LIG3: variants seen among roughly 807,000 people sequenced by gnomAD.
LIG3 encodes the protein ligase II, DNA, ATP-dependent.
In LIG3, 58 loss-of-function variants were observed where a neutral mutation model predicts 110.9. The ratio of observed to expected loss-of-function variants is 0.52; its 90% CI spans 0.42 to 0.65. The LOEUF is 0.65. LIG3 is among the 30% of genes least tolerant of loss of function. LIG3 has a pLI of 0.00. For synonymous variants in LIG3, 422 were observed against 472.8 expected (o/e 0.89, Z 1.39); for missense variants, 1,094 against 1,273.8 (o/e 0.86, Z 2.15).
chr17:34,986,408 G>T (rs1033373216), intron 3 of LIG3, among the ~76,000 whole-genome samples: 1 of 152,004 alleles, frequency 6.6e-6, no homozygotes, highest in Admixed American at 6.5e-5. Context: ...TGCAACCTCC[G>T]CCTCCTGGGT....
chr17:34,984,435 CCT>C (rs1272343050), intron 2 of LIG3, among the ~76,000 whole-genome samples: 1 of 152,146 alleles, frequency 6.6e-6, no homozygotes, highest in African/African-American at 2.4e-5. Context: ...TTTACACTGT[CCT>C]CTGTGTCCTG....
At position 34,999,804 on chromosome 17, in the gene LIG3, G is replaced by A; in HGVS notation, c.2279G>A (p.Trp760Ter). The A allele has an allele frequency of 4.3e-6, 7 of 1,614,056 alleles. No individual in the cohort carries two copies. The highest frequency in any genetic ancestry group is 5.1e-6 in the Non-Finnish European group (6 of 1,179,974). ...ISKDPSKIPS[W>*]LKVNKIYYPD... ...TAGGACCCCAGCAAAATACCCAGCTGGTTGAAGGTCAACAAGATCTACTAT... is the reference window on the plus strand; with the variant it reads ...TAGGACCCCAGCAAAATACCCAGCTAGTTGAAGGTCAACAAGATCTACTAT... The change falls in exon 16 of 20, where the codon TGG becomes TAG. Residue 760 changes from tryptophan (W) to a stop codon, truncating the protein, a stop_gained. Transcript: ENST00000378526. LOFTEE classifies it high-confidence loss of function.
chr17:34,984,515 A>G (rs544180021), intron 2 of LIG3, among the ~76,000 whole-genome samples: 15 of 152,202 alleles, frequency 9.9e-5, no homozygotes, highest in Middle Eastern at 3.4e-3. Flanking sequence ...TTTTAGTCTT[A>G]TCCCGTATGT....
rs1373764570 is a variant in LIG3, at chr17:35,005,662, G to T, written c.*1156G>T. On this transcript the variant is annotated 3_prime_UTR_variant, in exon 20 of 20. Coordinates refer to ENST00000378526, the MANE Select transcript of LIG3 (RefSeq NM_013975.4). ...TCGATTTTTTTTCTTCTATTCATTGGATTCGTCTGTGTCCTACTGAGTTTT... is the reference window on the plus strand; with the variant it reads ...TCGATTTTTTTTCTTCTATTCATTGTATTCGTCTGTGTCCTACTGAGTTTT... The T allele has an allele frequency of 3.5e-6, 2 of 567,388 alleles. No homozygotes were observed. The highest frequency in any genetic ancestry group is 7.1e-6 in the Non-Finnish European group (2 of 280,954). The allele number at this position is 567,388 out of a possible 1,614,324, so 35.1% of individuals were successfully genotyped here.
At chr17:34,996,463 G>A (rs1567691445) in intron 10 of LIG3, 111 bp from the exon 11 acceptor site, 1 of 936,440 alleles carries the variant, frequency 1.1e-6, no homozygotes, top group Non-Finnish European at 1.7e-6. Flanking sequence ...AGCAGAAATA[G>A]TACTTTTTCA....
At chr17:34,999,570 A>G (rs774070108) in intron 15 of LIG3, 121 bp downstream of exon 15, 2 of 1,325,802 alleles carry the variant, frequency 1.5e-6, no homozygotes, top group African/African-American at 1.5e-5. Context: ...CAGCTTGCTC[A>G]GGGGAGCAGG....
At chr17:34,984,781 CTT>C (rs35202391) in intron 2 of LIG3, among the ~76,000 whole-genome samples, 21 of 138,978 alleles carry the variant, frequency 1.5e-4, no homozygotes, top group Non-Finnish European at 1.4e-4. Context: ...TCTGTTTCTT[CTT>C]TTTTTTTTTT....
At position 35,003,811 on chromosome 17, in the gene LIG3, A is replaced by T. The variant is rs182157307; in HGVS notation, c.2797-462A>T. ...AAGGCCTGAACTCGGTCCCCAACAG[A>T]CCTGTAGAAACCTTTCCCCTCTCTC... On this transcript the variant is annotated intron_variant, in intron 19 of 19. Coordinates refer to ENST00000378526, the MANE Select transcript of LIG3 (RefSeq NM_013975.4). 3 of 164,822 alleles carry T rather than the reference A, an allele frequency of 1.8e-5. No homozygotes were observed. The East Asian group carries it at 5.3e-4, about 29-fold the overall frequency. 10.2% of individuals were successfully genotyped at this position (164,822 alleles called of 1,614,324 possible).
At chr17:34,991,616 G>A (rs2090721281) in intron 5 of LIG3, 55 bp from the exon 6 acceptor site, 2 of 1,577,384 alleles carry the variant, frequency 1.3e-6, no homozygotes, top group South Asian at 2.2e-5. Flanking sequence ...GGTCTTGGGG[G>A]ATACACTTGG....
chr17:34,998,581 GTC>G (rs202138340), intron 13 of LIG3, 21 bp from the exon 14 acceptor site: 8 of 1,612,994 alleles, frequency 5.0e-6, no homozygotes, highest in Non-Finnish European at 6.8e-6. Flanking sequence ...CTATTCTGTG[GTC>G]TCTCTTTTGC....
In LIG3 at chr17:34,996,168, G is replaced by A. The variant is rs139535050; in HGVS notation, c.1716G>A (p.Leu572=). The A allele has an allele frequency of 1.2e-6, 2 of 1,614,050 alleles. No homozygotes were observed. Among genetic ancestry groups the A allele is most frequent in the African/African-American group, 1.3e-5 (1 of 74,912 alleles). Residue 572 remains leucine, a synonymous_variant, in exon 10 of 20, where the codon CTG becomes CTA. Transcript: ENST00000378526. Reference sequence around the variant, plus strand: ...TTGACAACAAGACAGGCAAACCACTGCCCTTTGGGACTCTGGGAGTACACA... The same window carrying A: ...TTGACAACAAGACAGGCAAACCACTACCCTTTGGGACTCTGGGAGTACACA... ...LLIDNKTGKP[L]PFGTLGVHKK...
Position 35,005,186 on chromosome 17 carries a change from G to C in LIG3, c.*680G>C, listed in dbSNP as rs545885455. ...GGTTATTTGGGCCACTCCTCTGGAGGGATAGAGGGCTCCAGGAAGATCTGC... is the reference window on the plus strand; with the variant it reads ...GGTTATTTGGGCCACTCCTCTGGAGCGATAGAGGGCTCCAGGAAGATCTGC... On this transcript the variant is annotated 3_prime_UTR_variant, in exon 20 of 20. Coordinates refer to ENST00000378526, the MANE Select transcript of LIG3 (RefSeq NM_013975.4). 2.9e-5 allele frequency: 12 copies of C among 414,346 alleles called. No individual in the cohort carries two copies. Among genetic ancestry groups the C allele is most frequent in the Non-Finnish European group, 4.8e-5 (10 of 207,226 alleles). 25.7% of individuals were successfully genotyped at this position (414,346 alleles called of 1,614,324 possible). A position where few individuals can be genotyped will look rare whatever the true frequency, so the allele number is the denominator to read the frequency against.
At chr17:34,992,072 T>TGCAAAACA in intron 7 of LIG3, 37 bp downstream of exon 7, 24 of 1,568,584 alleles carry the variant, frequency 1.5e-5, no homozygotes, top group Non-Finnish European at 2.1e-5. Context: ...GAGCTGTCAT[T>TGCAAAACA]TGTTAGCTTT....
At chr17:34,981,370 G>A (rs2090589999) in intron 1 of LIG3, 1 of 152,154 alleles carries the variant, frequency 6.6e-6, no homozygotes. Context: ...CACCTCTGTG[G>A]TTCTTAAACT....
In LIG3 at chr17:35,007,296, G is replaced by C. The variant is rs2090902175; in HGVS notation, c.*2790G>C. The C allele has an allele frequency of 6.6e-6, 1 of 152,226 alleles. No individual in the cohort carries two copies. The allele number at this position is 152,226 out of a possible 1,614,324, so 9.4% of individuals were successfully genotyped here. A position where few individuals can be genotyped will look rare whatever the true frequency, so the allele number is the denominator to read the frequency against. On this transcript the variant is annotated 3_prime_UTR_variant, in exon 20 of 20. Coordinates refer to ENST00000378526, the MANE Select transcript of LIG3 (RefSeq NM_013975.4). ...TGTTATTGCCATTTCAATGTCAGTGGTTTTTTATGTATTTTCTTCCAGTCT... is the reference window on the plus strand; with the variant it reads ...TGTTATTGCCATTTCAATGTCAGTGCTTTTTTATGTATTTTCTTCCAGTCT...
rs771010376 is a variant in LIG3, at chr17:34,983,145, A to G, written c.140A>G (p.His47Arg). 1 of 1,614,190 alleles carries G rather than the reference A, an allele frequency of 6.2e-7. No individual in the cohort carries two copies. The highest frequency in any genetic ancestry group is 1.1e-5 in the South Asian group (1 of 91,090). ...TCAGAAACAGATCTGCTTCATGGAC[A>G]TCCCCTCTTCCTGAGAAGAAAGCCT... Reference protein sequence around the residue: ...QWSETDLLHGHPLFLRRKPVL... With the variant: ...QWSETDLLHGRPLFLRRKPVL... The change falls in exon 2 of 20, where the codon CAT becomes CGT. Residue 47 changes from histidine (H) to arginine (R), a missense_variant. His to Arg is a conservative substitution (Grantham distance 29). Transcript: ENST00000378526.
intron 14 of LIG3, 43 bp downstream of exon 14, chr17:34,998,770 G>A: frequency 6.3e-7 from 1 of 1,591,098 alleles, no homozygotes; most frequent in Non-Finnish European, 8.6e-7. Flanking sequence ...TGTTTTAGAA[G>A]GTACCGCTTG....
chr17:34,998,094 C>G, intron 12 of LIG3, 125 bp from the exon 13 acceptor site: 1 of 732,316 alleles, frequency 1.4e-6, no homozygotes, highest in Non-Finnish European at 2.3e-6. Context: ...AACCCTTTGT[C>G]CCTTATATTT....
downstream of LIG3, chr17:35,010,297 T>C (rs756134240): frequency 6.6e-6 from 1 of 152,156 alleles, no homozygotes; most frequent in Non-Finnish European, 1.5e-5. Context: ...AGTTCATCCA[T>C]TGGTAATGGG....
Sources: gnomAD v4.1 joint callset for allele counts (sites outside exome capture counted in the v4.1 genomes callset) on GRCh38, gnomAD v4.1.1 for gene constraint, MANE v1.5 for transcripts, NCBI Gene and HGNC (gene_info 2026-07-23, HGNC 2026-07-21) for gene names.